The following HMCN1 variants were observed in gnomAD, a reference collection of about 807,000 sequenced individuals.
HMCN1 encodes the protein hemicentin 1.
HMCN1 carries 321 observed loss-of-function variants against 625.9 expected under a neutral mutation model. The ratio of observed to expected loss-of-function variants is 0.51; its 90% confidence interval spans 0.47 to 0.56. The LOEUF is 0.56. Ranked by LOEUF, HMCN1 falls within the 20% of genes least tolerant of loss-of-function variation. HMCN1 has a pLI of 0.00. For missense variants in HMCN1, 6,588 were observed against 6,887.3 expected (o/e 0.96, Z 1.54); for synonymous variants, 2,425 against 2,417.6 (o/e 1.00, Z -0.09).
At chr1:185,861,098 T>A (rs1662838229) in intron 2 of HMCN1, among the ~76,000 whole-genome samples, 1 of 152,174 alleles carries the variant, frequency 6.6e-6, no homozygotes, top group Admixed American at 6.5e-5. Flanking sequence ...CTTTCAAGGA[T>A]TCTAGTGGTC....
intron 6 of HMCN1, among the ~76,000 whole-genome samples, chr1:185,920,799 A>G (rs781743448): frequency 1.1e-4 from 17 of 152,150 alleles, no homozygotes; most frequent in Non-Finnish European, 1.9e-4. Context: ...ATTACGTGTC[A>G]TATTTGCCCT....
At chr1:185,807,315 G>A (rs1209457586) in intron 1 of HMCN1, among the ~76,000 whole-genome samples, 2 of 152,082 alleles carry the variant, frequency 1.3e-5, no homozygotes, top group Non-Finnish European at 2.9e-5. Context: ...ATAATTAATT[G>A]CATGTAATAT....
intron 57 of HMCN1, among the ~76,000 whole-genome samples, chr1:186,083,294 A>G (rs920562924): frequency 5.9e-5 from 9 of 152,082 alleles, no homozygotes; most frequent in Non-Finnish European, 1.2e-4. Flanking sequence ...ATAAAAATCT[A>G]TCCACTAGTC....
chr1:185,748,034 ATTT>A (rs36021341), intron 1 of HMCN1, among the ~76,000 whole-genome samples: 31 of 118,130 alleles, frequency 2.6e-4, no homozygotes, highest in East Asian at 5.0e-4. Context: ...GGTACTTAAA[ATTT>A]TTTTTTTTTT....
chr1:185,735,467 T>C (rs1343915383), intron 1 of HMCN1, among the ~76,000 whole-genome samples: 1 of 152,128 alleles, frequency 6.6e-6, no homozygotes, highest in African/African-American at 2.4e-5. Flanking sequence ...TGAGGGTAAC[T>C]CTCATTTAAG....
intron 4 of HMCN1, among the ~76,000 whole-genome samples, chr1:185,902,055 T>A (rs908816329): frequency 2.0e-5 from 3 of 151,624 alleles, no homozygotes; most frequent in Non-Finnish European, 3.0e-5. Flanking sequence ...TTAAAAATTA[T>A]TCTAGTACTC....
At chr1:185,747,193 T>C (rs1466041143) in intron 1 of HMCN1, among the ~76,000 whole-genome samples, 1 of 152,214 alleles carries the variant, frequency 6.6e-6, no homozygotes, top group Non-Finnish European at 1.5e-5. Flanking sequence ...GGGACTATCA[T>C]AGACTCTAAA....
At chr1:185,996,576 T>G (rs1172449442) in intron 24 of HMCN1, among the ~76,000 whole-genome samples, 1 of 152,098 alleles carries the variant, frequency 6.6e-6, no homozygotes, top group Non-Finnish European at 1.5e-5. Flanking sequence ...GTCACTCTTT[T>G]GGGAGGGAAT....
rs552555204 is a variant in HMCN1, at chr1:185,830,892, GA to G, written c.269-15124del. ...GACAGAGCAAGACTCCAATTCAAAA[GA>G]AAAAAAAAATAGTGGCTATATTAAC... On this transcript the variant is annotated intron_variant, in intron 1 of 106. Transcript: ENST00000271588. Among the ~76,000 whole-genome samples, 300 of 143,054 alleles carry G rather than the reference GA, an allele frequency of 2.1e-3. 1 individual carries two copies. Among genetic ancestry groups the G allele is most frequent in the African/African-American group, 6.5e-3 (254 of 38,954 alleles). 93.8% of individuals were successfully genotyped at this position (143,054 alleles called of 152,430 possible). A position where few individuals can be genotyped will look rare whatever the true frequency, so the allele number is the denominator to read the frequency against.
chr1:185,958,092 C>CT (rs964947349), intron 11 of HMCN1, among the ~76,000 whole-genome samples: 6 of 151,628 alleles, frequency 4.0e-5, no homozygotes, highest in African/African-American at 9.7e-5. Context: ...GGTATATAAT[C>CT]TTTTTTTTGA....
chr1:185,819,408 C>T (rs893394258), intron 1 of HMCN1, among the ~76,000 whole-genome samples: 2 of 151,994 alleles, frequency 1.3e-5, no homozygotes, highest in Admixed American at 6.6e-5. Context: ...TACTCTTTTC[C>T]CTCTTTTGAG....
At chr1:185,835,733 T>G (rs1273206551) in intron 1 of HMCN1, among the ~76,000 whole-genome samples, 1 of 151,040 alleles carries the variant, frequency 6.6e-6, no homozygotes, top group Non-Finnish European at 1.5e-5. Flanking sequence ...ATATTTCATA[T>G]TTTAAATATT....
intron 69 of HMCN1, among the ~76,000 whole-genome samples, chr1:186,104,298 C>T (rs1660513047): frequency 2.0e-5 from 3 of 152,106 alleles, no homozygotes; most frequent in Non-Finnish European, 4.4e-5. Context: ...AATCATGCCT[C>T]ATTCATACAC....
At chr1:185,759,844 G>A (rs1435378632) in intron 1 of HMCN1, among the ~76,000 whole-genome samples, 1 of 151,960 alleles carries the variant, frequency 6.6e-6, no homozygotes. Flanking sequence ...CAATGTAATG[G>A]GATTGTGAAT....
At chr1:185,818,834 A>C (rs1311284024) in intron 1 of HMCN1, among the ~76,000 whole-genome samples, 1 of 151,720 alleles carries the variant, frequency 6.6e-6, no homozygotes, top group African/African-American at 2.4e-5. Flanking sequence ...ACATTTGGAA[A>C]CTTATAAATT....
intron 87 of HMCN1, among the ~76,000 whole-genome samples, chr1:186,137,156 A>G (rs756883876): frequency 6.6e-6 from 1 of 152,194 alleles, no homozygotes; most frequent in African/African-American, 2.4e-5. Context: ...CCCAAACTAG[A>G]TTTTTGATTC....
At chr1:186,060,027 A>G (rs1345556227) in intron 46 of HMCN1, among the ~76,000 whole-genome samples, 1 of 152,004 alleles carries the variant, frequency 6.6e-6, no homozygotes, top group Non-Finnish European at 1.5e-5. Flanking sequence ...TCCCTAATTG[A>G]CATAAGTTTT....
At chr1:185,797,051 G>A (rs1015977684) in intron 1 of HMCN1, among the ~76,000 whole-genome samples, 3 of 152,172 alleles carry the variant, frequency 2.0e-5, no homozygotes, top group African/African-American at 7.2e-5. Flanking sequence ...ACTGGTGTAA[G>A]ATGGTATCTC....
At chr1:185,777,571 C>T (rs1160598843) in intron 1 of HMCN1, among the ~76,000 whole-genome samples, 1 of 152,112 alleles carries the variant, frequency 6.6e-6, no homozygotes, top group African/African-American at 2.4e-5. Flanking sequence ...CCTGCCTCAA[C>T]CTCCTGAGTA....
Sources: gnomAD v4.1 joint callset for allele counts (sites outside exome capture counted in the v4.1 genomes callset) on GRCh38, gnomAD v4.1.1 for gene constraint, MANE v1.5 for transcripts, NCBI Gene and HGNC (gene_info 2026-07-23, HGNC 2026-07-21) for gene names.